AVEN: variants seen among roughly 807,000 people sequenced by gnomAD.
AVEN encodes apoptosis and caspase activation inhibitor, also known as cell death regulator Aven.
A neutral mutation model predicts 38.1 loss-of-function variants in AVEN; 41 were observed. The observed-to-expected ratio is 1.08, with a 90% CI of 0.84 to 1.40. The LOEUF is 1.40. AVEN is among the 40% of genes most tolerant of loss of function. The probability of loss-of-function intolerance (pLI) is 0.00; values close to 1 mark genes in which losing one functional copy is unlikely to be tolerated. For synonymous variants in AVEN, 206 were observed against 171.8 expected, an observed-to-expected ratio of 1.20 and a Z score of -1.56; for missense variants, 605 against 438.8, an observed-to-expected ratio of 1.38 and a Z score of -3.38.
At chr15:33,997,944 C>T (rs187267121) in intron 2 of AVEN, among the ~76,000 whole-genome samples, 1 of 152,198 alleles carries the variant, frequency 6.6e-6, no homozygotes, top group Non-Finnish European at 1.5e-5. Context: ...ACATCTATAC[C>T]ACATTTTCCT....
intron 2 of AVEN, among the ~76,000 whole-genome samples, chr15:33,910,994 T>C (rs1002798712): frequency 4.6e-5 from 7 of 152,228 alleles, no homozygotes; most frequent in Admixed American, 3.3e-4. Context: ...CGATGAATCA[T>C]TGTGACTCAA....
downstream of AVEN, chr15:33,865,020 ATATAAATTCACATCAGTCTTCC>A (rs1419687769): frequency 9.5e-6 from 7 of 736,432 alleles, no homozygotes; most frequent in Non-Finnish European, 1.6e-5. Context: ...GTTTGGCCTC[ATATAAATTCACATCAGTCTTCC>A]TAAAGGGAGC....
chr15:33,976,890 G>C (rs1186589181), intron 2 of AVEN, among the ~76,000 whole-genome samples: 1 of 152,076 alleles, frequency 6.6e-6, no homozygotes, highest in Non-Finnish European at 1.5e-5. Flanking sequence ...CCATCCCTGA[G>C]TCAGCCAGCC....
chr15:34,033,934 C>T lies in AVEN; in HGVS notation c.267+4846G>A, dbSNP rs528008800. Among the ~76,000 whole-genome samples, 55 of 152,070 alleles carry T rather than the reference C, an allele frequency of 3.6e-4. 1 individual carries two copies. The South Asian group carries it at 3.7e-3, about 10-fold the overall frequency. The stretch of plus-strand genomic sequence containing the variant: ...TCCCAAGTAGCTGGGATTACAGGTG[C>T]GCGCCACCATGCCCAGCTAACTTTT... On this transcript the variant is annotated intron_variant, in intron 1 of 5. Transcript: ENST00000306730.
At chr15:33,889,023 C>CT (rs1329989947) in intron 2 of AVEN, among the ~76,000 whole-genome samples, 5 of 152,104 alleles carry the variant, frequency 3.3e-5, no homozygotes, top group African/African-American at 4.8e-5. Context: ...GCCTGGAATT[C>CT]TTTTTTGCTA....
chr15:34,056,989 T>C (rs1900177759), intron 5 of AVEN, among the ~76,000 whole-genome samples: 1 of 152,134 alleles, frequency 6.6e-6, no homozygotes, highest in South Asian at 2.1e-4. Context: ...CAGTGAACTA[T>C]GATCACACCA....
intron 2 of AVEN, among the ~76,000 whole-genome samples, chr15:33,898,790 A>G (rs114840716): frequency 0.02 from 2,973 of 152,300 alleles, 64 homozygotes; most frequent in African/African-American, 0.061. Context: ...GAAACAAGAC[A>G]AAAACATGAC....
chr15:33,876,895 A>G (rs1296024337), intron 2 of AVEN, among the ~76,000 whole-genome samples: 1 of 152,162 alleles, frequency 6.6e-6, no homozygotes. Context: ...ATTAACCACA[A>G]AAGTAAAAGC....
chr15:33,886,084 C>A (rs894871414), intron 2 of AVEN, among the ~76,000 whole-genome samples: 1 of 152,126 alleles, frequency 6.6e-6, no homozygotes, highest in Admixed American at 6.5e-5. Context: ...TAAGCTCTGG[C>A]TGCATGTAAC....
chr15:33,894,825 ATAACAAT>A (rs1892159872), intron 2 of AVEN, among the ~76,000 whole-genome samples: 4 of 87,672 alleles, frequency 4.6e-5, no homozygotes, highest in South Asian at 4.1e-4. Context: ...AAAAAAAATA[ATAACAAT>A]AATAATAATA....
chr15:34,027,968 A>G (rs1898573864), intron 1 of AVEN, among the ~76,000 whole-genome samples: 1 of 152,156 alleles, frequency 6.6e-6, no homozygotes, highest in South Asian at 2.1e-4. Flanking sequence ...CGCAGAAAAG[A>G]TCTGAGAAGG....
chr15:33,899,422 G>C (rs1462893093), intron 2 of AVEN, among the ~76,000 whole-genome samples: 8 of 137,762 alleles, frequency 5.8e-5, no homozygotes, highest in Admixed American at 3.0e-4. Context: ...ATGCAACATT[G>C]ATTCAAAGTG....
chr15:33,987,544 C>T (rs1355844078), intron 2 of AVEN, among the ~76,000 whole-genome samples: 1 of 152,190 alleles, frequency 6.6e-6, no homozygotes, highest in Non-Finnish European at 1.5e-5. Flanking sequence ...CATCTCTTTG[C>T]CCATCCCCTT....
chr15:33,853,503 ATATT>A, the AVEN span: 1 of 1,592,954 alleles, frequency 6.3e-7, no homozygotes, highest in Non-Finnish European at 8.6e-7. Context: ...GAGCTAGAAA[ATATT>A]TGGTGGTGGC....
At chr15:33,923,959 C>G (rs472679) in intron 2 of AVEN, among the ~76,000 whole-genome samples, 103,684 of 149,744 alleles carry the variant, frequency 0.69, 36,247 homozygotes, top group East Asian at 0.81. Flanking sequence ...CTCAGGGCTC[C>G]CACTGATTCT....
chr15:34,033,065 AATCCTTAC>A (rs1284334116), intron 1 of AVEN, among the ~76,000 whole-genome samples: 2 of 152,184 alleles, frequency 1.3e-5, no homozygotes, highest in African/African-American at 4.8e-5. Context: ...AATGTTTCTC[AATCCTTAC>A]ATCTATAAAA....
intron 2 of AVEN, among the ~76,000 whole-genome samples, chr15:33,914,580 A>G (rs893309182): frequency 1.3e-5 from 2 of 150,622 alleles, no homozygotes; most frequent in East Asian, 3.9e-4. Flanking sequence ...TTCCTTTTTA[A>G]CAGGCATATA....
chr15:33,975,988 C>A (rs1597296784), intron 2 of AVEN, among the ~76,000 whole-genome samples: 1 of 152,244 alleles, frequency 6.6e-6, no homozygotes, highest in African/African-American at 2.4e-5. Context: ...AGTATTATTT[C>A]ACCTAACAAC....
upstream of AVEN, among the ~76,000 whole-genome samples, chr15:34,040,392 C>G (rs1899419117): frequency 6.6e-6 from 1 of 152,078 alleles, no homozygotes; most frequent in Non-Finnish European, 1.5e-5. Flanking sequence ...AGGAGTTTGC[C>G]TGGTTGGTAA....
Sources: allele counts gnomAD v4.1 joint callset (sites outside exome capture counted in the v4.1 genomes callset), GRCh38; gene constraint gnomAD v4.1.1; transcripts MANE v1.5; gene names NCBI Gene and HGNC (gene_info 2026-07-23, HGNC 2026-07-21).